The following CACNA2D3 variants were observed in gnomAD, a reference collection of about 807,000 sequenced individuals.
CACNA2D3 encodes voltage-dependent calcium channel subunit alpha-2/delta-3.
Under a neutral mutation model 160.6 loss-of-function variants are expected in CACNA2D3, and 60 were observed. The ratio of observed to expected loss-of-function variants is 0.37; its 90% CI spans 0.30 to 0.46. CACNA2D3 has a LOEUF of 0.46. Among genes scored for constraint, CACNA2D3 ranks in the 20% least tolerant of loss-of-function variants. CACNA2D3 has a pLI of 1.00. For missense variants in CACNA2D3, 1,205 were observed against 1,365.0 expected (o/e 0.88, Z 1.85); for synonymous variants, 558 against 492.9 (o/e 1.13, Z -1.75).
intron 29 of CACNA2D3, among the ~76,000 whole-genome samples, chr3:54,978,705 T>C (rs1443316888): frequency 6.6e-6 from 1 of 152,236 alleles, no homozygotes; most frequent in Non-Finnish European, 1.5e-5. Flanking sequence ...CTGATTCCAA[T>C]ACATGCCCAG....
intron 11 of CACNA2D3, among the ~76,000 whole-genome samples, chr3:54,734,636 C>G (rs989801432): frequency 6.6e-6 from 1 of 152,088 alleles, no homozygotes; most frequent in Non-Finnish European, 1.5e-5. Context: ...CTTTGCAGAT[C>G]GGTAGGAAAT....
chr3:54,603,401 C>G (rs1354796582), intron 9 of CACNA2D3, among the ~76,000 whole-genome samples: 2 of 152,226 alleles, frequency 1.3e-5, no homozygotes, highest in South Asian at 4.1e-4. Context: ...TTCTTTCTTT[C>G]AAGGGCTACC....
At chr3:54,440,924 G>A (rs544302326) in intron 4 of CACNA2D3, among the ~76,000 whole-genome samples, 81 of 152,230 alleles carry the variant, frequency 5.3e-4, no homozygotes, top group Middle Eastern at 6.8e-3. Context: ...CTTTGCTATC[G>A]TGAATAGTGC....
chr3:54,535,707 A>T (rs1701879040), intron 5 of CACNA2D3, among the ~76,000 whole-genome samples: 1 of 152,224 alleles, frequency 6.6e-6, no homozygotes, highest in Non-Finnish European at 1.5e-5. Context: ...AATATTTATT[A>T]AGAGAATATA....
intron 4 of CACNA2D3, among the ~76,000 whole-genome samples, chr3:54,472,751 CAGAG>C (rs1700756498): frequency 6.6e-6 from 1 of 152,124 alleles, no homozygotes; most frequent in Non-Finnish European, 1.5e-5. Context: ...AATAGATAAA[CAGAG>C]AGCCAAATCA....
At chr3:54,699,666 G>A (rs1238308260) in intron 11 of CACNA2D3, among the ~76,000 whole-genome samples, 2 of 152,072 alleles carry the variant, frequency 1.3e-5, no homozygotes, top group Non-Finnish European at 2.9e-5. Flanking sequence ...TTATCAGACT[G>A]GATTTTGGTT....
intron 13 of CACNA2D3, among the ~76,000 whole-genome samples, chr3:54,800,129 T>C (rs1297991716): frequency 6.6e-6 from 1 of 152,124 alleles, no homozygotes; most frequent in Non-Finnish European, 1.5e-5. Context: ...CAGGAGAAGG[T>C]CTGAGTGGCT....
At chr3:54,426,023 G>C (rs1392615712) in intron 4 of CACNA2D3, among the ~76,000 whole-genome samples, 1 of 152,212 alleles carries the variant, frequency 6.6e-6, no homozygotes, top group Non-Finnish European at 1.5e-5. Flanking sequence ...GTTTAGATAA[G>C]AGTTGAGTTG....
At chr3:54,243,908 C>T (rs1429340071) in intron 2 of CACNA2D3, among the ~76,000 whole-genome samples, 3 of 152,234 alleles carry the variant, frequency 2.0e-5, no homozygotes, top group Non-Finnish European at 4.4e-5. Context: ...TAGAATGCAT[C>T]TGCAGACCCT....
chr3:55,064,398 G>A (rs1352921134), intron 35 of CACNA2D3, among the ~76,000 whole-genome samples: 1 of 152,274 alleles, frequency 6.6e-6, no homozygotes, highest in South Asian at 2.1e-4. Flanking sequence ...GCCCAGCCAG[G>A]TGCCGGTGAG....
intron 27 of CACNA2D3, among the ~76,000 whole-genome samples, chr3:54,944,252 A>G (rs1701551573): frequency 6.6e-6 from 1 of 152,038 alleles, no homozygotes; most frequent in Non-Finnish European, 1.5e-5. Context: ...AGAAATGCAT[A>G]TCCTTCAGTT....
chr3:54,641,361 T>C (rs776408647), intron 10 of CACNA2D3, among the ~76,000 whole-genome samples: 13 of 152,102 alleles, frequency 8.5e-5, no homozygotes, highest in Non-Finnish European at 1.9e-4. Context: ...GCATGAAGAG[T>C]TGAAGTCAGC....
At chr3:55,033,586 A>ATG (rs1391813848) in intron 35 of CACNA2D3, among the ~76,000 whole-genome samples, 12 of 40,924 alleles carry the variant, frequency 2.9e-4, no homozygotes, top group African/African-American at 5.4e-4. Flanking sequence ...GTGTGTGTGT[A>ATG]TATATATATA....
At chr3:54,650,613 C>T (rs1042180892) in intron 11 of CACNA2D3, among the ~76,000 whole-genome samples, 6 of 152,154 alleles carry the variant, frequency 3.9e-5, no homozygotes, top group African/African-American at 1.4e-4. Context: ...GATCCACCTG[C>T]CTCGGCCTCC....
chr3:54,796,836 A>G (rs1170864338), intron 13 of CACNA2D3, among the ~76,000 whole-genome samples: 3 of 152,222 alleles, frequency 2.0e-5, no homozygotes, highest in East Asian at 3.9e-4. Context: ...GAGTAAGGAA[A>G]TGGAAGGACA....
At chr3:54,573,846 G>A (rs1251127193) in intron 8 of CACNA2D3, among the ~76,000 whole-genome samples, 2 of 152,136 alleles carry the variant, frequency 1.3e-5, no homozygotes, top group Non-Finnish European at 2.9e-5. Context: ...TGCGAATTTT[G>A]CCTCGTTGAA....
At chr3:54,624,482 C>T (rs953695576) in intron 9 of CACNA2D3, among the ~76,000 whole-genome samples, 3 of 152,058 alleles carry the variant, frequency 2.0e-5, no homozygotes, top group Non-Finnish European at 2.9e-5. Context: ...ATTAGCCAGG[C>T]GTGGTGGCGG....
chr3:54,859,376 C>G (rs1035233012), intron 17 of CACNA2D3, among the ~76,000 whole-genome samples: 2 of 152,186 alleles, frequency 1.3e-5, no homozygotes, highest in Non-Finnish European at 2.9e-5. Flanking sequence ...ATAGGCACAT[C>G]TATTTCCAAA....
chr3:54,851,970 G>A (rs570556509), intron 17 of CACNA2D3, among the ~76,000 whole-genome samples: 158 of 152,334 alleles, frequency 1.0e-3, no homozygotes, highest in African/African-American at 3.7e-3. Context: ...CAGGTCTAGA[G>A]TGTGACCAGA....
Sources: gnomAD v4.1 joint callset for allele counts (sites outside exome capture counted in the v4.1 genomes callset) on GRCh38, gnomAD v4.1.1 for gene constraint, MANE v1.5 for transcripts, NCBI Gene and HGNC (gene_info 2026-07-23, HGNC 2026-07-21) for gene names.